The following ENOX1 variants were observed in gnomAD, a reference collection of about 807,000 sequenced individuals.
The protein encoded by ENOX1 is ecto-NOX disulfide-thiol exchanger 1.
A neutral mutation model predicts 82.5 loss-of-function variants in ENOX1; 42 were observed. That is an observed-to-expected ratio of 0.51 (90% CI 0.40 to 0.66). The LOEUF (loss-of-function observed/expected upper bound fraction) is 0.66, where lower values mean the gene tolerates loss of function less well. ENOX1 is among the 30% of genes least tolerant of loss of function. The probability of loss-of-function intolerance (pLI) is 0.00; values close to 1 mark genes in which losing one functional copy is unlikely to be tolerated. For synonymous variants in ENOX1, 271 were observed against 282.2 expected, an observed-to-expected ratio of 0.96 and a Z score of 0.40; for missense variants, 608 against 811.6, an observed-to-expected ratio of 0.75 and a Z score of 3.05.
intron 2 of ENOX1, among the ~76,000 whole-genome samples, chr13:43,541,418 T>C (rs1204989477): frequency 6.6e-6 from 1 of 151,922 alleles, no homozygotes; most frequent in African/African-American, 2.4e-5. Flanking sequence ...GGAAGATCAC[T>C]TAGGGCCAGC....
chr13:43,224,999 T>C (rs1156521249), intron 15 of ENOX1, among the ~76,000 whole-genome samples: 6 of 152,196 alleles, frequency 3.9e-5, no homozygotes, highest in African/African-American at 1.4e-4. Flanking sequence ...TTATTCACGA[T>C]AGCAAAAACA....
At chr13:43,660,619 A>C (rs138607999) in intron 2 of ENOX1, among the ~76,000 whole-genome samples, 62 of 152,344 alleles carry the variant, frequency 4.1e-4, no homozygotes, top group Admixed American at 1.0e-3. Context: ...TCTATTTCAA[A>C]ACAGTCTCTA....
At chr13:43,555,282 T>C (rs541966995) in intron 2 of ENOX1, among the ~76,000 whole-genome samples, 2 of 152,370 alleles carry the variant, frequency 1.3e-5, no homozygotes, top group South Asian at 4.1e-4. Context: ...GCCGTATATG[T>C]GTCCTCAACC....
rs527604895 is a variant in ENOX1, at chr13:43,321,782, C to T, written c.1261+602G>A. Among the ~76,000 whole-genome samples, 8 of 152,346 alleles carry T rather than the reference C, an allele frequency of 5.3e-5. No homozygotes were observed. The South Asian group carries it at 1.2e-3, about 24-fold the overall frequency. On this transcript the variant is annotated intron_variant, in intron 11 of 16. Transcript: ENST00000690772. ...TGAGCTTTTCCCTTGCCTGTTTTTA[C>T]AATACCAATGGATTTATATATAATT...
chr13:43,495,037 G>A (rs997691258), intron 2 of ENOX1, among the ~76,000 whole-genome samples: 4 of 152,156 alleles, frequency 2.6e-5, no homozygotes, highest in African/African-American at 7.2e-5. Context: ...TGCTTAGGGA[G>A]TATAAAATGA....
intron 2 of ENOX1, among the ~76,000 whole-genome samples, chr13:43,542,431 C>CTTTT (rs775618771): frequency 1.1e-4 from 13 of 117,912 alleles, no homozygotes; most frequent in Admixed American, 7.2e-4. Context: ...TGTGCCCGGC[C>CTTTT]TTTTTTTTTT....
intron 1 of ENOX1, among the ~76,000 whole-genome samples, chr13:43,691,499 G>A (rs567999024): frequency 6.6e-6 from 1 of 151,828 alleles, no homozygotes; most frequent in South Asian, 2.1e-4. Context: ...TTTATTCCCT[G>A]GTTACAACCT....
At chr13:43,664,531 C>A (rs1221123887) in intron 2 of ENOX1, among the ~76,000 whole-genome samples, 1 of 152,322 alleles carries the variant, frequency 6.6e-6, no homozygotes, top group East Asian at 1.9e-4. Flanking sequence ...GCTCACCAGG[C>A]CCTACCTGCA....
At chr13:43,671,928 A>C (rs931969105) in intron 1 of ENOX1, among the ~76,000 whole-genome samples, 1 of 152,210 alleles carries the variant, frequency 6.6e-6, no homozygotes, top group Non-Finnish European at 1.5e-5. Context: ...TGTCTTAATA[A>C]TTTAAAAAAT....
At chr13:43,570,832 G>C (rs1222065172) in intron 2 of ENOX1, among the ~76,000 whole-genome samples, 1 of 152,130 alleles carries the variant, frequency 6.6e-6, no homozygotes, top group Non-Finnish European at 1.5e-5. Flanking sequence ...AAAGCAGGAA[G>C]GATTCTACTG....
At chr13:43,497,878 C>T (rs1343594186) in intron 2 of ENOX1, among the ~76,000 whole-genome samples, 1 of 152,016 alleles carries the variant, frequency 6.6e-6, no homozygotes, top group Non-Finnish European at 1.5e-5. Context: ...TGGGAAGCCT[C>T]TGAATTATAA....
At chr13:43,223,935 C>T in intron 16 of ENOX1, 118 bp downstream of exon 16, 1 of 674,736 alleles carries the variant, frequency 1.5e-6, no homozygotes, top group Non-Finnish European at 2.6e-6. Context: ...AAGAGAAGGG[C>T]TGATCAACCC....
intron 14 of ENOX1, among the ~76,000 whole-genome samples, chr13:43,247,858 TATATATATATATATATATATATA>T (rs1354035128): frequency 0.038 from 145 of 3,836 alleles, 22 homozygotes; most frequent in African/African-American, 0.059. Context: ...TATATATATA[TATATATATATATATATATATATA>T]TATTTTTTTT....
rs143350846 is a variant in ENOX1, at chr13:43,582,984, CACAG to C, written c.-219+84491_-219+84494del. On this transcript the variant is annotated intron_variant, in intron 2 of 16. Coordinates refer to ENST00000690772, the MANE Select transcript of ENOX1 (RefSeq NM_001347969.2). The stretch of plus-strand genomic sequence containing the variant: ...TTATCCCCCAAACTGGACACACATG[CACAG>C]ACAGACAGACAGACAGACACACACA... Among the ~76,000 whole-genome samples, 310 of 145,530 alleles carry C rather than the reference CACAG, an allele frequency of 2.1e-3. No homozygotes were observed. In the Middle Eastern group the frequency reaches 0.03, roughly 14 times the overall value.
chr13:43,713,871 G>A (rs2087912869), intron 1 of ENOX1, among the ~76,000 whole-genome samples: 1 of 151,592 alleles, frequency 6.6e-6, no homozygotes, highest in Admixed American at 6.6e-5. Flanking sequence ...CCAGCTCCTG[G>A]ATTCATTAAT....
intron 2 of ENOX1, among the ~76,000 whole-genome samples, chr13:43,610,251 A>T (rs892848650): frequency 8.5e-5 from 13 of 152,174 alleles, no homozygotes; most frequent in African/African-American, 2.7e-4. Context: ...GGTGATAAAT[A>T]AATTGTAACT....
chr13:43,501,734 T>C (rs2076987771), intron 2 of ENOX1, among the ~76,000 whole-genome samples: 1 of 150,232 alleles, frequency 6.7e-6, no homozygotes. Flanking sequence ...CTAAAACTTA[T>C]TGGATGCATC....
intron 2 of ENOX1, among the ~76,000 whole-genome samples, chr13:43,616,153 G>T (rs1474669215): frequency 0.15 from 2,374 of 15,800 alleles, 535 homozygotes; most frequent in African/African-American, 0.3. Flanking sequence ...TATCTATATA[G>T]ATAGATATCT....
intron 2 of ENOX1, among the ~76,000 whole-genome samples, chr13:43,580,362 A>G (rs2080660174): frequency 6.6e-6 from 1 of 152,198 alleles, no homozygotes; most frequent in Non-Finnish European, 1.5e-5. Context: ...CCAACAAGTA[A>G]TGTTACGTAG....
Sources: gnomAD v4.1 joint callset for allele counts (sites outside exome capture counted in the v4.1 genomes callset) on GRCh38, gnomAD v4.1.1 for gene constraint, MANE v1.5 for transcripts, NCBI Gene and HGNC (gene_info 2026-07-23, HGNC 2026-07-21) for gene names.